PIBF1: variants seen among roughly 807,000 people sequenced by gnomAD.
PIBF1 encodes progesterone-induced-blocking factor 1.
PIBF1 carries 90 observed loss-of-function variants against 112.5 expected under a neutral mutation model. That is an observed-to-expected ratio of 0.80 (90% confidence interval 0.67 to 0.95). The LOEUF is 0.95. PIBF1 is among the 40% of genes least tolerant of loss of function. PIBF1 has a pLI of 0.00. For synonymous variants in PIBF1, 301 were observed against 288.6 expected (o/e 1.04, Z -0.44); for missense variants, 915 against 852.3 (o/e 1.07, Z -0.92).
intron 14 of PIBF1, among the ~76,000 whole-genome samples, chr13:72,937,558 G>T (rs952959240): frequency 7.2e-5 from 11 of 152,148 alleles, no homozygotes; most frequent in Admixed American, 2.0e-4. Context: ...AGTGGCTCAT[G>T]CCTGTAATCC....
At chr13:72,830,617 A>G (rs2037060253) in intron 8 of PIBF1, among the ~76,000 whole-genome samples, 3 of 152,168 alleles carry the variant, frequency 2.0e-5, no homozygotes, top group South Asian at 4.1e-4. Flanking sequence ...CCTCCCTGGT[A>G]TGAAGCCAAC....
At chr13:72,790,510 CATA>C (rs2034859323) in intron 2 of PIBF1, among the ~76,000 whole-genome samples, 2 of 140,044 alleles carry the variant, frequency 1.4e-5, no homozygotes, top group Non-Finnish European at 3.0e-5. Flanking sequence ...CACACACACA[CATA>C]GATAGATAGA....
At position 72,856,742 on chromosome 13, in the gene PIBF1, G is replaced by A. The variant is rs566865575; in HGVS notation, c.1322+2587G>A. On this transcript the variant is annotated intron_variant, in intron 10 of 17. Transcript: ENST00000326291. ...AAGTATCCCTGGTTAGGACTGTAAT[G>A]TTGATAAATGACATTTTTAAAAGTA... Among the ~76,000 whole-genome samples the A allele has an allele frequency of 7.2e-5, 11 of 152,270 alleles. No individual in the cohort carries two copies. In the South Asian group the frequency reaches 1.0e-3, roughly 14 times the overall value.
chr13:72,909,410 A>C (rs1464332467), intron 12 of PIBF1, among the ~76,000 whole-genome samples: 1 of 152,202 alleles, frequency 6.6e-6, no homozygotes, highest in Non-Finnish European at 1.5e-5. Flanking sequence ...TGGAAATACA[A>C]AAGAGATCAT....
intron 10 of PIBF1, among the ~76,000 whole-genome samples, chr13:72,875,179 C>CT (rs890356966): frequency 6.6e-6 from 1 of 152,076 alleles, no homozygotes; most frequent in African/African-American, 2.4e-5. Context: ...TTCATACTGT[C>CT]TTTTTTTACT....
rs147810159 is a variant in PIBF1, at chr13:72,977,433, C to T, written c.2049+3758C>T. Among the ~76,000 whole-genome samples the T allele has an allele frequency of 5.3e-3, 812 of 152,284 alleles. 15 individuals carry two copies. The highest frequency in any genetic ancestry group is 0.018 in the African/African-American group (761 of 41,546). On this transcript the variant is annotated intron_variant, in intron 16 of 17. Coordinates refer to ENST00000326291, the MANE Select transcript of PIBF1 (RefSeq NM_006346.4). ...ACGTTGGCTAGACTGGTCTCAAACT[C>T]CTGACCTCAGGCAATCCACCTGCCT...
chr13:72,907,677 C>G (rs1177758640), intron 11 of PIBF1, among the ~76,000 whole-genome samples: 1 of 152,206 alleles, frequency 6.6e-6, no homozygotes, highest in East Asian at 1.9e-4. Flanking sequence ...AAACCATATT[C>G]TTCACTGTAG....
In PIBF1 at chr13:72,987,864, T is replaced by TA. The variant is rs1594322990; in HGVS notation, c.2050-10958_2050-10957insA. Among the ~76,000 whole-genome samples, 278 of 100,962 alleles carry TA rather than the reference T, an allele frequency of 2.8e-3. 1 individual carries two copies. Among genetic ancestry groups the TA allele is most frequent in the African/African-American group, 9.4e-3 (249 of 26,404 alleles). 66.2% of individuals were successfully genotyped at this position (100,962 alleles called of 152,430 possible). On this transcript the variant is annotated intron_variant, in intron 16 of 17. Coordinates refer to ENST00000326291, the MANE Select transcript of PIBF1 (RefSeq NM_006346.4). Reference sequence around the variant, plus strand: ...TTTATTTATTTATTTATTTATTTTTTTTTTTTTTTTTTTTTTTGAGGCAGA... The same window carrying TA: ...TTTATTTATTTATTTATTTATTTTTTATTTTTTTTTTTTTTTTTGAGGCAGA...
At chr13:72,936,877 T>A (rs1404973103) in intron 14 of PIBF1, among the ~76,000 whole-genome samples, 1 of 152,162 alleles carries the variant, frequency 6.6e-6, no homozygotes, top group Non-Finnish European at 1.5e-5. Context: ...GCAGAGAAAA[T>A]TGACATCTTA....
At chr13:72,812,976 G>C (rs535600050) in intron 5 of PIBF1, among the ~76,000 whole-genome samples, 1 of 152,024 alleles carries the variant, frequency 6.6e-6, no homozygotes, top group East Asian at 1.9e-4. Flanking sequence ...AAAAAGAAAA[G>C]AAAGAAATAG....
intron 2 of PIBF1, among the ~76,000 whole-genome samples, chr13:72,790,387 A>G (rs573132046): frequency 2.0e-5 from 3 of 150,452 alleles, no homozygotes; most frequent in Non-Finnish European, 4.4e-5. Context: ...AGATTCCTAA[A>G]TGTAATTGTC....
In PIBF1 at chr13:72,893,788, A is replaced by G; in HGVS notation, c.1327A>G (p.Arg443Gly). Residue 443 changes from arginine (R) to glycine (G), a missense_variant, in exon 11 of 18, where the codon AGA becomes GGA. By Grantham distance (125) the Arg-to-Gly change is moderately radical (BLOSUM62 -2). Coordinates refer to ENST00000326291, the MANE Select transcript of PIBF1 (RefSeq NM_006346.4). ...EKHDQLLDRY[R>G]ELQLSTESKV... ...TAACCATTCTGCTTCTTTCAGGTAC[A>G]GAGAACTACAACTTAGTACAGAAAG... The G allele has an allele frequency of 6.4e-7, 1 of 1,573,510 alleles. No individual in the cohort carries two copies. The highest frequency in any genetic ancestry group is 8.6e-7 in the Non-Finnish European group (1 of 1,159,770).
intron 13 of PIBF1, among the ~76,000 whole-genome samples, chr13:72,922,255 G>A (rs1391695034): frequency 6.6e-6 from 1 of 152,106 alleles, no homozygotes; most frequent in Non-Finnish European, 1.5e-5. Flanking sequence ...TGGAATTATA[G>A]GCATGAGTCA....
At chr13:72,905,096 CTCTA>C (rs202183619) in intron 11 of PIBF1, among the ~76,000 whole-genome samples, 29,152 of 148,534 alleles carry the variant, frequency 0.2, 2,974 homozygotes, top group Middle Eastern at 0.26. Flanking sequence ...CAGAGTCTCA[CTCTA>C]TCTGTCACCC....
intron 9 of PIBF1, among the ~76,000 whole-genome samples, chr13:72,843,702 G>A (rs926106319): frequency 1.3e-5 from 2 of 152,118 alleles, no homozygotes; most frequent in South Asian, 2.1e-4. Context: ...ATGAGCCACC[G>A]CGCCTGGCCT....
At chr13:72,961,095 A>G (rs1448693115) in intron 14 of PIBF1, among the ~76,000 whole-genome samples, 1 of 146,420 alleles carries the variant, frequency 6.8e-6, no homozygotes, top group African/African-American at 2.6e-5. Context: ...TAATATAACT[A>G]TCAGAAAATT....
At chr13:72,969,241 A>C (rs2138926876) in intron 15 of PIBF1, among the ~76,000 whole-genome samples, 1 of 152,302 alleles carries the variant, frequency 6.6e-6, no homozygotes, top group East Asian at 1.9e-4. Flanking sequence ...ATTAAAAATG[A>C]GAAATAACAT....
chr13:72,967,855 C>T (rs1462042064), intron 15 of PIBF1, among the ~76,000 whole-genome samples: 2 of 151,926 alleles, frequency 1.3e-5, no homozygotes, highest in African/African-American at 4.8e-5. Flanking sequence ...TCTCTAATAC[C>T]TCTGTTGTCC....
In PIBF1 at chr13:72,835,231, C is replaced by A; in HGVS notation, c.1098-12C>A. The A allele has an allele frequency of 6.6e-7, 1 of 1,523,348 alleles. No individual in the cohort carries two copies. Among genetic ancestry groups the A allele is most frequent in the South Asian group, 1.3e-5 (1 of 75,856 alleles). 94.4% of individuals were successfully genotyped at this position (1,523,348 alleles called of 1,614,324 possible). A position where few individuals can be genotyped will look rare whatever the true frequency, so the allele number is the denominator to read the frequency against. On this transcript the variant is annotated splice_polypyrimidine_tract_variant and intron_variant, in intron 8 of 17. Transcript: ENST00000326291. The stretch of plus-strand genomic sequence containing the variant: ...AAGAAAATTTATGGTTGTTCCTTTT[C>A]ACTCCTTGCAGAGACCATTATAAAA...
Sources: gnomAD v4.1 joint callset for allele counts (sites outside exome capture counted in the v4.1 genomes callset) on GRCh38, gnomAD v4.1.1 for gene constraint, MANE v1.5 for transcripts, NCBI Gene and HGNC (gene_info 2026-07-23, HGNC 2026-07-21) for gene names.